The following DGKD variants were observed in gnomAD, a reference collection of about 807,000 sequenced individuals.
DGKD encodes diacylglycerol kinase delta, also known as DAG kinase delta.
A neutral mutation model predicts 154.4 loss-of-function variants in DGKD; 68 were observed. The ratio of observed to expected loss-of-function variants is 0.44; its 90% confidence interval spans 0.36 to 0.54. The LOEUF (loss-of-function observed/expected upper bound fraction) is 0.54. DGKD is among the 20% of genes least tolerant of loss of function. The pLI, the probability that DGKD is intolerant of heterozygous loss-of-function variation, is 0.00. For synonymous variants in DGKD, 693 were observed against 638.0 expected (o/e 1.09, Z -1.30); for missense variants, 1,343 against 1,593.6 (o/e 0.84, Z 2.68).
intron 3 of DGKD, among the ~76,000 whole-genome samples, chr2:233,406,756 G>A (rs2061695799): frequency 6.6e-6 from 1 of 152,174 alleles, no homozygotes; most frequent in African/African-American, 2.4e-5. Flanking sequence ...GAACAGACGA[G>A]GAGCTCTTGT....
At chr2:233,364,229 C>G (rs185028629) in intron 1 of DGKD, among the ~76,000 whole-genome samples, 38 of 152,280 alleles carry the variant, frequency 2.5e-4, no homozygotes, top group Admixed American at 2.2e-3. Context: ...AAATGTCCTT[C>G]AGAAAATACA....
intron 1 of DGKD, among the ~76,000 whole-genome samples, chr2:233,360,091 T>C (rs1701711743): frequency 6.6e-6 from 1 of 152,084 alleles, no homozygotes; most frequent in Admixed American, 6.6e-5. Context: ...ATTTCTGGAC[T>C]AGGATCTGGG....
At chr2:233,428,535 C>G (rs958662459) in intron 3 of DGKD, among the ~76,000 whole-genome samples, 1 of 152,146 alleles carries the variant, frequency 6.6e-6, no homozygotes, top group African/African-American at 2.4e-5. Flanking sequence ...CAGGTTGCAC[C>G]AACTGGCACC....
chr2:233,452,036 C>T lies in DGKD; in HGVS notation c.2240C>T (p.Pro747Leu). 6.2e-7 allele frequency: 1 copy of T among 1,614,038 alleles called. No homozygotes were observed. The highest frequency in any genetic ancestry group is 8.5e-7 in the Non-Finnish European group (1 of 1,179,926). ...VISRLLINAD[P>L]FNSEPETLEY... ...AGTCGCCTGTTAATTAATGCTGATC[C>T]CTTCAACTCTGAACCAGAAACCCTG... Residue 747 changes from proline to leucine, a missense_variant, in exon 18 of 30, where the codon CCC (proline) becomes CTC (leucine). Transcript: ENST00000264057. This position sits in a 1 kb window ranked among gnomAD's most constrained non-coding sequence, Gnocchi z 4.0.
chr2:233,437,615 C>T, intron 8 of DGKD, 136 bp downstream of exon 8: 2 of 869,314 alleles, frequency 2.3e-6, no homozygotes, highest in Non-Finnish European at 1.8e-6. Flanking sequence ...GTTGGGGGTG[C>T]TGGAGGAGTT....
intron 1 of DGKD, among the ~76,000 whole-genome samples, chr2:233,383,448 G>A (rs1044589105): frequency 2.2e-4 from 34 of 152,250 alleles, no homozygotes; most frequent in Middle Eastern, 3.4e-3. Context: ...TCTTTCTGAG[G>A]TGTCTTTGAT....
chr2:233,383,664 C>T (rs1325545120), intron 1 of DGKD, among the ~76,000 whole-genome samples: 1 of 152,226 alleles, frequency 6.6e-6, no homozygotes, highest in African/African-American at 2.4e-5. Context: ...GTGTCCTTGG[C>T]TAACCTGCCA....
rs1030303352 is a variant in DGKD at position 233,469,634 on chromosome 2, C to T, written c.*174C>T. The T allele has an allele frequency of 4.8e-5, 29 of 607,282 alleles. No homozygotes were observed. The highest frequency in any genetic ancestry group is 2.6e-4 in the African/African-American group (14 of 54,120). The allele number at this position is 607,282 out of a possible 1,614,324, so 37.6% of individuals were successfully genotyped here. A position where few individuals can be genotyped will look rare whatever the true frequency, so the allele number is the denominator to read the frequency against. The stretch of plus-strand genomic sequence containing the variant: ...CAGCTACAGAAAGCCTCCGTGACAC[C>T]GTCCACCAGAGCTCTGGGGTCTCGA... On this transcript the variant is annotated 3_prime_UTR_variant, in exon 30 of 30. Transcript: ENST00000264057.
chr2:233,412,914 CTT>C (rs753041087), intron 3 of DGKD, among the ~76,000 whole-genome samples: 1 of 152,150 alleles, frequency 6.6e-6, no homozygotes, highest in Non-Finnish European at 1.5e-5. Flanking sequence ...TTTAAGACAA[CTT>C]TTCATTCTTG....
intron 2 of DGKD, chr2:233,388,945 C>T (rs1703390824): frequency 6.6e-6 from 1 of 152,138 alleles, no homozygotes; most frequent in African/African-American, 2.4e-5. Flanking sequence ...TGGGGTTTCA[C>T]TATGTAGGTC....
At chr2:233,434,695 T>C (rs2125589449) in intron 4 of DGKD, 74 bp from the exon 5 acceptor site, 1 of 1,571,678 alleles carries the variant, frequency 6.4e-7, no homozygotes. Context: ...CTTTGTTTAA[T>C]CTTGTCCAAG....
rs139268334 is a variant in DGKD, at chr2:233,385,389, G to A, written c.157-2868G>A. On this transcript the variant is annotated intron_variant, in intron 1 of 29. Coordinates refer to ENST00000264057, the MANE Select transcript of DGKD (RefSeq NM_152879.3). ...GTCTTGCCTGTGTTTGCTGGTGGGC[G>A]CGTGTTCACTTTCCACCTGCTGCTC... Among the ~76,000 whole-genome samples the A allele has an allele frequency of 1.1e-3, 164 of 152,258 alleles. 1 individual carries two copies. Among genetic ancestry groups the A allele is most frequent in the South Asian group, 4.0e-3 (19 of 4,810 alleles).
Position 233,356,914 on chromosome 2 carries a change from C to CT in DGKD, c.156+2241dup, listed in dbSNP as rs201182252. On this transcript the variant is annotated intron_variant, in intron 1 of 29. Transcript: ENST00000264057. ...ATCAAAAATGGTATGGGGTAGCAGT[C>CT]TGAGTCTAAAAAGAAAAACAGAACT... Among the ~76,000 whole-genome samples the CT allele has an allele frequency of 9.6e-3, 1,455 of 151,906 alleles. 12 individuals are homozygous for CT. Among genetic ancestry groups the CT allele is most frequent in the East Asian group, 0.029 (152 of 5,182 alleles).
chr2:233,464,547 TC>T (rs2063769650), intron 27 of DGKD, among the ~76,000 whole-genome samples: 2 of 152,214 alleles, frequency 1.3e-5, no homozygotes, highest in South Asian at 4.1e-4. Context: ...CTGCAGGGCT[TC>T]CTGGACAGTG....
At chr2:233,377,657 G>T (rs900755755) in intron 1 of DGKD, among the ~76,000 whole-genome samples, 1 of 152,048 alleles carries the variant, frequency 6.6e-6, no homozygotes, top group Non-Finnish European at 1.5e-5. Flanking sequence ...AGATTCCTAG[G>T]AGTGGGCTTG....
Position 233,388,100 on chromosome 2 carries a change from C to T in DGKD, c.157-157C>T, listed in dbSNP as rs564355681. The T allele has an allele frequency of 9.4e-4, 1,376 of 1,470,022 alleles. 2 individuals carry two copies. The highest frequency in any genetic ancestry group is 1.1e-3 in the Non-Finnish European group (1,179 of 1,109,106). 91.1% of individuals were successfully genotyped at this position (1,470,022 alleles called of 1,614,324 possible). A position where few individuals can be genotyped will look rare whatever the true frequency, so the allele number is the denominator to read the frequency against. On this transcript the variant is annotated intron_variant, in intron 1 of 29. Coordinates refer to ENST00000264057, the MANE Select transcript of DGKD (RefSeq NM_152879.3). ...AACCCCCCATGCCCCCGGCAGCGTG[C>T]TGGGCCTGTGCATAGGTCAAGGTCT...
rs1032378760 is a variant in DGKD at position 233,354,940 on chromosome 2, CG to C, written c.156+272del. Among the ~76,000 whole-genome samples, 3 of 147,630 alleles carry C rather than the reference CG, an allele frequency of 2.0e-5. No homozygotes were observed. Among genetic ancestry groups the C allele is most frequent in the Non-Finnish European group, 3.0e-5 (2 of 66,556 alleles). On this transcript the variant is annotated intron_variant, in intron 1 of 29. Transcript: ENST00000264057. The surrounding 1 kb of genome is among the most constrained non-coding windows in gnomAD (Gnocchi z 4.8). ...GGCGCCCCGGGCGCCGCGCGCTGGGCGGGGGGCGCGCGCCGAGTTGGGCCGC... is the reference window on the plus strand; with the variant it reads ...GGCGCCCCGGGCGCCGCGCGCTGGGCGGGGGCGCGCGCCGAGTTGGGCCGC...
At chr2:233,398,288 G>GCGC in intron 3 of DGKD, among the ~76,000 whole-genome samples, 1 of 151,646 alleles carries the variant, frequency 6.6e-6, no homozygotes, top group Non-Finnish European at 1.5e-5. Flanking sequence ...GAGTACAGGT[G>GCGC]CCGCCACCAC....
chr2:233,416,788 G>C (rs752103609), intron 3 of DGKD, among the ~76,000 whole-genome samples: 4 of 152,100 alleles, frequency 2.6e-5, no homozygotes, highest in Non-Finnish European at 5.9e-5. Flanking sequence ...TGTTTCTTCT[G>C]TTCAGTAGCT....
Sources: allele counts gnomAD v4.1 joint callset (sites outside exome capture counted in the v4.1 genomes callset), GRCh38; gene constraint gnomAD v4.1.1; non-coding constraint Gnocchi (gnomAD v3.1); transcripts MANE v1.5; gene names NCBI Gene and HGNC (gene_info 2026-07-23, HGNC 2026-07-21).